MXI1: variants seen among roughly 807,000 people sequenced by gnomAD.
MXI1 encodes the protein MAX interactor 1, dimerization protein.
In MXI1, 18 loss-of-function variants were observed where a neutral mutation model predicts 36.9. That is an observed-to-expected ratio of 0.49 (90% CI 0.34 to 0.72). MXI1 has a LOEUF of 0.72. Ranked by LOEUF, MXI1 falls within the 30% of genes least tolerant of loss-of-function variation. MXI1 has a pLI of 0.01. For missense variants in MXI1, 304 were observed against 379.1 expected, an observed-to-expected ratio of 0.80 and a Z score of 1.64; for synonymous variants, 160 against 146.7, an observed-to-expected ratio of 1.09 and a Z score of -0.65.
intron 1 of MXI1, among the ~76,000 whole-genome samples, chr10:110,218,931 G>C (rs947941680): frequency 6.6e-6 from 1 of 152,170 alleles, no homozygotes; most frequent in African/African-American, 2.4e-5. Flanking sequence ...GGGCCAGCTG[G>C]TTCCAGTCAG....
rs746687111 is a variant in MXI1, at chr10:110,284,854, A to T, written c.755A>T (p.Glu252Val). The T allele has an allele frequency of 5.6e-6, 9 of 1,610,936 alleles. No individual in the cohort carries two copies. The highest frequency in any genetic ancestry group is 6.8e-6 in the Non-Finnish European group (8 of 1,179,064). ...ATTGAAGTGGATGTTGAAAGCACAG[A>T]GTTCTCCCATGGAGAAGTGGACAAT... ...EEIEVDVESTEFSHGEVDNIS... is the reference protein window; with the variant it reads ...EEIEVDVESTVFSHGEVDNIS... Residue 252 changes from glutamate to valine, a missense_variant, in exon 6 of 6, where the codon GAG becomes GTG. Transcript: ENST00000332674.
intron 3 of MXI1, among the ~76,000 whole-genome samples, chr10:110,251,826 A>G (rs2134409199): frequency 6.6e-6 from 1 of 152,300 alleles, no homozygotes; most frequent in Non-Finnish European, 1.5e-5. Context: ...AGCTGTGTTC[A>G]GGAAGGAGTG....
chr10:110,278,830 G>A (rs1045573343), intron 3 of MXI1, among the ~76,000 whole-genome samples: 3 of 151,962 alleles, frequency 2.0e-5, no homozygotes, highest in African/African-American at 4.8e-5. Context: ...CTCTCCTCTC[G>A]CCTGTGGTTT....
intron 3 of MXI1, chr10:110,245,688 A>G (rs1047783572): frequency 2.0e-5 from 3 of 152,188 alleles, no homozygotes; most frequent in Non-Finnish European, 2.9e-5. Flanking sequence ...AAATAATTTT[A>G]AAGTGGATTA....
chr10:110,272,286 G>GA (rs1321679723), intron 3 of MXI1, among the ~76,000 whole-genome samples: 1 of 152,028 alleles, frequency 6.6e-6, no homozygotes, highest in Non-Finnish European at 1.5e-5. Context: ...TCCAAAATCT[G>GA]AAAAAATGAG....
chr10:110,270,429 A>C (rs1856820372), intron 3 of MXI1, among the ~76,000 whole-genome samples: 1 of 150,784 alleles, frequency 6.6e-6, no homozygotes, highest in Admixed American at 6.6e-5. Context: ...CTCTGGAACA[A>C]GATTTAATTA....
chr10:110,275,413 G>A (rs563216801), intron 3 of MXI1, among the ~76,000 whole-genome samples: 3 of 152,258 alleles, frequency 2.0e-5, no homozygotes, highest in Admixed American at 1.3e-4. Flanking sequence ...AGACTTATGG[G>A]GGAAAGGGTG....
intron 2 of MXI1, among the ~76,000 whole-genome samples, chr10:110,235,331 T>G (rs1855417974): frequency 6.6e-6 from 1 of 152,192 alleles, no homozygotes; most frequent in South Asian, 2.1e-4. Context: ...TATTTTACTC[T>G]CATCTCTGAG....
intron 1 of MXI1, chr10:110,210,139 G>T (rs866959591): frequency 3.9e-6 from 2 of 514,136 alleles, no homozygotes; most frequent in African/African-American, 4.2e-5. Context: ...AGAGCCGGGC[G>T]CGCCGGGCTT....
At chr10:110,277,841 G>A (rs1175741951) in intron 3 of MXI1, among the ~76,000 whole-genome samples, 1 of 152,212 alleles carries the variant, frequency 6.6e-6, no homozygotes, top group African/African-American at 2.4e-5. Flanking sequence ...TGCTTGTCAT[G>A]ACATAATTGG....
chr10:110,211,222 G>C (rs893689456), intron 1 of MXI1, among the ~76,000 whole-genome samples: 1 of 152,080 alleles, frequency 6.6e-6, no homozygotes, highest in Non-Finnish European at 1.5e-5. Context: ...CCCAGCTAGA[G>C]ACACATGGTT....
Position 110,275,504 on chromosome 10 carries a change from T to TA in MXI1, c.438-3675dup, listed in dbSNP as rs1211749888. 1.4e-4 allele frequency among the ~76,000 whole-genome samples: 22 copies of TA among 152,308 alleles called. No individual in the cohort carries two copies. In the South Asian group the frequency reaches 4.6e-3, roughly 32 times the overall value. On this transcript the variant is annotated intron_variant, in intron 3 of 5. Coordinates refer to ENST00000332674, the MANE Select transcript of MXI1 (RefSeq NM_130439.3). Reference sequence around the variant, plus strand: ...GAATTTGCAGGAGAGAAAAAAAACTTAGACACTGAGGAGAATCGATTTTTC... The same window carrying TA: ...GAATTTGCAGGAGAGAAAAAAAACTTAAGACACTGAGGAGAATCGATTTTTC...
chr10:110,285,061 G>A lies in MXI1; in HGVS notation c.*74G>A. Reference sequence around the variant, plus strand: ...TCAATACAAACAATCTCTTAAATTGGGTTCATGATGCAGTCTCCTCTTTAA... The same window carrying A: ...TCAATACAAACAATCTCTTAAATTGAGTTCATGATGCAGTCTCCTCTTTAA... On this transcript the variant is annotated 3_prime_UTR_variant, in exon 6 of 6. Transcript: ENST00000332674. 7 of 1,392,846 alleles carry A rather than the reference G, an allele frequency of 5.0e-6. No homozygotes were observed. Among genetic ancestry groups the A allele is most frequent in the East Asian group, 2.4e-5 (1 of 41,078 alleles). The allele number at this position is 1,392,846 out of a possible 1,614,324, so 86.3% of individuals were successfully genotyped here.
chr10:110,271,471 T>C (rs572524194), intron 3 of MXI1, among the ~76,000 whole-genome samples: 11 of 152,328 alleles, frequency 7.2e-5, no homozygotes, highest in African/African-American at 2.4e-4. Flanking sequence ...GTGATTAGTA[T>C]GAAATCAAGT....
In MXI1 at chr10:110,270,054, A is replaced by AAAAAC. The variant is rs1331582834; in HGVS notation, c.438-9126_438-9125insAAAAC. Among the ~76,000 whole-genome samples the AAAAAC allele has an allele frequency of 3.9e-5, 6 of 152,260 alleles. No individual in the cohort carries two copies. The East Asian group carries it at 1.2e-3, about 29-fold the overall frequency. On this transcript the variant is annotated intron_variant, in intron 3 of 5. Coordinates refer to ENST00000332674, the MANE Select transcript of MXI1 (RefSeq NM_130439.3). ...GATGGCTAAGTTTTGACAGTAGTCC[A>AAAAAC]GGTTCAGAGCCTGATCTCTCTAGAG...
intron 2 of MXI1, among the ~76,000 whole-genome samples, chr10:110,236,128 T>G: frequency 2.4e-5 from 1 of 42,162 alleles, no homozygotes; most frequent in East Asian, 1.4e-3. Flanking sequence ...GAAGTTCTTT[T>G]TTTTTTTTTT....
At chr10:110,209,563 TCTC>T (rs1854455994) in intron 1 of MXI1, among the ~76,000 whole-genome samples, 1 of 152,100 alleles carries the variant, frequency 6.6e-6, no homozygotes, top group Non-Finnish European at 1.5e-5. Context: ...TTCTTTTCTT[TCTC>T]TTCTCGCCTG....
At chr10:110,251,182 A>G (rs1856071747) in intron 3 of MXI1, among the ~76,000 whole-genome samples, 1 of 151,942 alleles carries the variant, frequency 6.6e-6, no homozygotes, top group Non-Finnish European at 1.5e-5. Flanking sequence ...TGTAAGGTAG[A>G]AAGGCAGAAA....
chr10:110,262,105 C>T (rs765435733), intron 3 of MXI1, among the ~76,000 whole-genome samples: 2 of 152,032 alleles, frequency 1.3e-5, no homozygotes, highest in Non-Finnish European at 2.9e-5. Flanking sequence ...ATACAGTTGG[C>T]TCTTGTATCT....
Sources: allele counts gnomAD v4.1 joint callset (sites outside exome capture counted in the v4.1 genomes callset), GRCh38; gene constraint gnomAD v4.1.1; transcripts MANE v1.5; gene names NCBI Gene and HGNC (gene_info 2026-07-23, HGNC 2026-07-21).